The following CIMIP6 variants were observed in gnomAD, a reference collection of about 807,000 sequenced individuals.
CIMIP6 encodes ciliary microtubule inner protein 6.
chr2:54,381,644 C>A, the CIMIP6 span, among the ~76,000 whole-genome samples: 1 of 152,200 alleles, frequency 6.6e-6, no homozygotes, highest in African/African-American at 2.4e-5. Context: ...CTTCAAAGAC[C>A]TTTCCAATCC....
the CIMIP6 span, among the ~76,000 whole-genome samples, chr2:54,363,389 T>C: frequency 2.1e-4 from 32 of 152,202 alleles, no homozygotes; most frequent in African/African-American, 7.5e-4. Context: ...ATTTGATTCA[T>C]GCCACAGTTA....
the CIMIP6 span, among the ~76,000 whole-genome samples, chr2:54,374,510 A>T: frequency 6.6e-6 from 1 of 152,268 alleles, no homozygotes; most frequent in Admixed American, 6.5e-5. Context: ...AAGGTAAAAT[A>T]ATGCTTACAG....
At chr2:54,336,016 A>T in the CIMIP6 span, among the ~76,000 whole-genome samples, 1 of 152,154 alleles carries the variant, frequency 6.6e-6, no homozygotes, top group African/African-American at 2.4e-5. Flanking sequence ...CACAATCCTT[A>T]ATCACATCTG....
At chr2:54,360,093 T>G in the CIMIP6 span, 43 of 1,348,712 alleles carry the variant, frequency 3.2e-5, no homozygotes, top group Non-Finnish European at 3.9e-5. Flanking sequence ...GGCAGAGAAG[T>G]GCCTGCATCA....
At chr2:54,375,061 T>G in the CIMIP6 span, among the ~76,000 whole-genome samples, 18 of 152,316 alleles carry the variant, frequency 1.2e-4, no homozygotes, top group East Asian at 3.1e-3. Flanking sequence ...TCTCAAGGGT[T>G]TCCAGCTACC....
the CIMIP6 span, among the ~76,000 whole-genome samples, chr2:54,350,648 G>A: frequency 6.6e-6 from 1 of 152,170 alleles, no homozygotes; most frequent in Non-Finnish European, 1.5e-5. Context: ...TTACGGGGAG[G>A]GGACTATATA....
At chr2:54,375,551 G>T in the CIMIP6 span, among the ~76,000 whole-genome samples, 1 of 152,046 alleles carries the variant, frequency 6.6e-6, no homozygotes, top group Admixed American at 6.6e-5. Context: ...TTTGACAAAA[G>T]TTATCAAAAT....
chr2:54,353,545 G>T, the CIMIP6 span, among the ~76,000 whole-genome samples: 1 of 152,114 alleles, frequency 6.6e-6, no homozygotes, highest in East Asian at 1.9e-4. Context: ...GGGAGTGGGG[G>T]GAGGGGGAAA....
the CIMIP6 span, among the ~76,000 whole-genome samples, chr2:54,332,699 A>G: frequency 2.0e-5 from 3 of 152,328 alleles, no homozygotes; most frequent in Middle Eastern, 3.4e-3. Flanking sequence ...GAATTTAACT[A>G]TATAACAAAT....
chr2:54,348,469 G>A, the CIMIP6 span, among the ~76,000 whole-genome samples: 1 of 151,764 alleles, frequency 6.6e-6, no homozygotes, highest in Non-Finnish European at 1.5e-5. Flanking sequence ...GTTCATTATT[G>A]TATCCTAGGG....
chr2:54,350,008 C>T, the CIMIP6 span, among the ~76,000 whole-genome samples: 1 of 152,036 alleles, frequency 6.6e-6, no homozygotes, highest in East Asian at 1.9e-4. Flanking sequence ...CACCATCATG[C>T]CCGGCTAATT....
the CIMIP6 span, among the ~76,000 whole-genome samples, chr2:54,345,076 A>G: frequency 1.8e-4 from 28 of 152,312 alleles, no homozygotes; most frequent in Non-Finnish European, 3.5e-4. Flanking sequence ...TTCAGATAAG[A>G]AAATGTAGGG....
chr2:54,332,145 A>G, the CIMIP6 span, among the ~76,000 whole-genome samples: 1 of 152,192 alleles, frequency 6.6e-6, no homozygotes, highest in Non-Finnish European at 1.5e-5. Flanking sequence ...TCACTCTGCT[A>G]GAATGCTTTT....
chr2:54,363,104 C>T, the CIMIP6 span, among the ~76,000 whole-genome samples: 1 of 152,090 alleles, frequency 6.6e-6, no homozygotes. Flanking sequence ...GTTTTGTTTG[C>T]TCTCTCAATT....
At chr2:54,380,752 CACAG>C in the CIMIP6 span, among the ~76,000 whole-genome samples, 10 of 152,318 alleles carry the variant, frequency 6.6e-5, no homozygotes, top group African/African-American at 2.2e-4. Flanking sequence ...CACATGCCCA[CACAG>C]ACATACACAT....
At chr2:54,339,852 G>T in the CIMIP6 span, 2 of 232,162 alleles carry the variant, frequency 8.6e-6, 1 homozygote, top group African/African-American at 7.4e-5. Flanking sequence ...GTTCCTCTAG[G>T]ATACTTCACT....
the CIMIP6 span, among the ~76,000 whole-genome samples, chr2:54,352,041 T>A: frequency 6.6e-6 from 1 of 152,096 alleles, no homozygotes; most frequent in Non-Finnish European, 1.5e-5. Context: ...TAAACTCAGA[T>A]ATCTTAAATA....
At chr2:54,343,678 C>G in the CIMIP6 span, 2 of 1,473,078 alleles carry the variant, frequency 1.4e-6, no homozygotes, top group South Asian at 3.0e-5. Flanking sequence ...TGAAAATGCC[C>G]TACAGTATCC....
chr2:54,373,410 C>G, the CIMIP6 span, among the ~76,000 whole-genome samples: 1 of 152,086 alleles, frequency 6.6e-6, no homozygotes, highest in Non-Finnish European at 1.5e-5. Flanking sequence ...CAGAAGCTCC[C>G]CCTCCAACCC....
Sources: allele counts gnomAD v4.1 joint callset (sites outside exome capture counted in the v4.1 genomes callset), GRCh38; gene constraint gnomAD v4.1.1; transcripts MANE v1.5; gene names NCBI Gene and HGNC (gene_info 2026-07-23, HGNC 2026-07-21).